The following TMPRSS6 variants were observed in gnomAD, a reference collection of about 807,000 sequenced individuals.
TMPRSS6 encodes transmembrane serine protease 6, also known as transmembrane protease serine 6.
Under a neutral mutation model 101.5 loss-of-function variants are expected in TMPRSS6, and 67 were observed. That is an observed-to-expected ratio of 0.66 (90% CI 0.54 to 0.81). The LOEUF (loss-of-function observed/expected upper bound fraction) is 0.81. Among genes scored for constraint, TMPRSS6 ranks in the 30% least tolerant of loss-of-function variants. The probability of loss-of-function intolerance (pLI) is 0.00; values close to 1 mark genes in which losing one functional copy is unlikely to be tolerated. For synonymous variants in TMPRSS6, 453 were observed against 464.9 expected (o/e 0.97, Z 0.33); for missense variants, 1,034 against 1,088.7 (o/e 0.95, Z 0.71).
intron 13 of TMPRSS6, 142 bp downstream of exon 13, chr22:37,073,390 G>A: frequency 3.2e-6 from 2 of 621,644 alleles, no homozygotes; most frequent in South Asian, 3.6e-5. Flanking sequence ...ATGGATGGAT[G>A]GATGAATGGA....
intron 12 of TMPRSS6, 54 bp from the exon 13 acceptor site, chr22:37,073,699 G>A (rs946373048): frequency 5.8e-5 from 70 of 1,197,284 alleles, no homozygotes; most frequent in Non-Finnish European, 7.4e-5. Context: ...GGAGCCAGCC[G>A]GGGCTTGGCG....
rs1392807088 is a variant in TMPRSS6 at position 37,072,676 on chromosome 22, GGAT to G, written c.1555+853_1555+855del. 1.3e-4 allele frequency among the ~76,000 whole-genome samples: 18 copies of G among 135,752 alleles called. 1 individual carries two copies. Among genetic ancestry groups the G allele is most frequent in the African/African-American group, 3.9e-4 (11 of 28,318 alleles). 89.1% of individuals were successfully genotyped at this position (135,752 alleles called of 152,430 possible). A position where few individuals can be genotyped will look rare whatever the true frequency, so the allele number is the denominator to read the frequency against. ...ATGGATGGATGGATGATGGATGGAT[GGAT>G]GATGGATGGATGGGTGATGGACGGA... is the stretch of plus-strand genomic sequence containing the variant. On this transcript the variant is annotated intron_variant, in intron 13 of 17. Coordinates refer to ENST00000676104, the MANE Select transcript of TMPRSS6 (RefSeq NM_001374504.1).
intron 13 of TMPRSS6, among the ~76,000 whole-genome samples, chr22:37,072,997 TGATGGATGGATGATG>T: frequency 7.6e-6 from 1 of 131,844 alleles, no homozygotes; most frequent in Admixed American, 7.5e-5. Context: ...GATAGATGGA[TGATGGATGGATGATG>T]GATGGATGGA....
At chr22:37,086,483 G>A in intron 7 of TMPRSS6, 64 bp from the exon 8 acceptor site, 3 of 1,530,022 alleles carry the variant, frequency 2.0e-6, no homozygotes, top group Non-Finnish European at 2.7e-6. Context: ...AGGGAGGGCG[G>A]CAGGCGGCTG....
chr22:37,109,771 C>A (rs1601585037), upstream of TMPRSS6, among the ~76,000 whole-genome samples: 2 of 151,798 alleles, frequency 1.3e-5, no homozygotes, highest in Admixed American at 1.3e-4. Context: ...GCCCCATCTT[C>A]CCCCACCCCC....
rs573473995 is a variant in TMPRSS6, at chr22:37,095,415, T to C, written c.631+136A>G. 1,588 of 1,089,562 alleles carry C rather than the reference T, an allele frequency of 1.5e-3. 3 individuals carry two copies. Among genetic ancestry groups the C allele is most frequent in the Middle Eastern group, 6.5e-3 (32 of 4,890 alleles). 67.5% of individuals were successfully genotyped at this position (1,089,562 alleles called of 1,614,324 possible). On this transcript the variant is annotated intron_variant, in intron 6 of 17. Coordinates refer to ENST00000676104, the MANE Select transcript of TMPRSS6 (RefSeq NM_001374504.1). ...TTGGGACACATCGCTGAGTCCACCATGGCATCCCCTGGGTGACTCTTGGCC... is the reference window on the plus strand; with the variant it reads ...TTGGGACACATCGCTGAGTCCACCACGGCATCCCCTGGGTGACTCTTGGCC...
intron 13 of TMPRSS6, among the ~76,000 whole-genome samples, chr22:37,073,092 TGATG>T (rs1399499823): frequency 4.4e-5 from 5 of 113,548 alleles, no homozygotes; most frequent in Non-Finnish European, 6.9e-5. Context: ...GATAGACGGA[TGATG>T]GATGGATGGA....
At chr22:37,066,359 G>T in intron 17 of TMPRSS6, 121 bp from the exon 18 acceptor site, 1 of 1,061,738 alleles carries the variant, frequency 9.4e-7, no homozygotes, top group Non-Finnish European at 1.3e-6. Context: ...GTCACGTTCA[G>T]TCTTAAAGCT....
chr22:37,088,334 T>G (rs9610646), intron 7 of TMPRSS6, among the ~76,000 whole-genome samples: 56,852 of 152,020 alleles, frequency 0.37, 10,818 homozygotes, highest in East Asian at 0.41. Flanking sequence ...CAAGAACCTC[T>G]GCCAGCTCAC....
chr22:37,079,241 G>A (rs183967760), intron 10 of TMPRSS6, among the ~76,000 whole-genome samples: 3 of 152,342 alleles, frequency 2.0e-5, no homozygotes, highest in African/African-American at 4.8e-5. Flanking sequence ...TGACTGCTGC[G>A]ATGCCTGCCA....
intron 10 of TMPRSS6, among the ~76,000 whole-genome samples, chr22:37,080,897 A>G (rs1301310711): frequency 6.6e-6 from 1 of 152,258 alleles, no homozygotes; most frequent in Non-Finnish European, 1.5e-5. Context: ...CAGAGGGAAG[A>G]ATCGCACACG....
At chr22:37,078,947 AGGAGAAAAAGAG>A (rs377087437) in intron 10 of TMPRSS6, among the ~76,000 whole-genome samples, 6,778 of 124,436 alleles carry the variant, frequency 0.054, 253 homozygotes, top group Middle Eastern at 0.076. Flanking sequence ...GAGAAGGAGA[AGGAGAAAAAGAG>A]AAAGAAAGAA....
At position 37,101,619 on chromosome 22, in the gene TMPRSS6, C is replaced by T. The variant is rs1454438048; in HGVS notation, c.202+1597G>A. On this transcript the variant is annotated intron_variant, in intron 2 of 17. Transcript: ENST00000676104. The surrounding 1 kb of genome is among the most constrained non-coding windows in gnomAD (Gnocchi z 4.1). ...CTTTCAAACAGCTCCCAAAGTGCCTCCTTCAACCCTTAATCCCTCTGTGGG... is the reference window on the plus strand; with the variant it reads ...CTTTCAAACAGCTCCCAAAGTGCCTTCTTCAACCCTTAATCCCTCTGTGGG... Among the ~76,000 whole-genome samples, 1 of 152,122 alleles carries T rather than the reference C, an allele frequency of 6.6e-6. No individual in the cohort carries two copies. The highest frequency in any genetic ancestry group is 1.5e-5 in the Non-Finnish European group (1 of 68,008).
intron 16 of TMPRSS6, 138 bp from the exon 17 acceptor site, chr22:37,067,100 C>T: frequency 7.8e-7 from 1 of 1,273,936 alleles, no homozygotes. Context: ...GCTAGGGTCG[C>T]ACCTGCCCCT....
At chr22:37,076,669 C>T (rs1053297767) in intron 10 of TMPRSS6, among the ~76,000 whole-genome samples, 2 of 152,202 alleles carry the variant, frequency 1.3e-5, no homozygotes, top group African/African-American at 2.4e-5. Flanking sequence ...GACAGTGGGA[C>T]CCTCCCTCCA....
chr22:37,073,592 T>A lies in TMPRSS6; in HGVS notation c.1495A>T (p.Lys499Ter). The A allele has an allele frequency of 2.5e-6, 4 of 1,614,142 alleles. No homozygotes were observed. Among genetic ancestry groups the A allele is most frequent in the Non-Finnish European group, 3.4e-6 (4 of 1,180,016 alleles). ...CAATCAGGCTGCCCATCACAGACCT[T>A]GGGCAGTGAGATGCATGTGCTGTCC... ...KEDSTCISLPKVCDGQPDCLN... is the reference protein window; with the variant it reads ...KEDSTCISLP The change falls in exon 13 of 18, where the codon AAG becomes TAG. Residue 499 changes from lysine (K) to a stop codon, truncating the protein, a stop_gained. Transcript: ENST00000676104. LOFTEE classifies it high-confidence loss of function.
At chr22:37,078,595 A>G (rs855787) in intron 10 of TMPRSS6, among the ~76,000 whole-genome samples, 10,371 of 152,126 alleles carry the variant, frequency 0.068, 1,146 homozygotes, top group African/African-American at 0.23. Context: ...CGTAAAGACA[A>G]TCTGTTTATG....
At chr22:37,081,306 T>C (rs191787292) in intron 10 of TMPRSS6, among the ~76,000 whole-genome samples, 111 of 152,320 alleles carry the variant, frequency 7.3e-4, no homozygotes, top group African/African-American at 2.5e-3. Flanking sequence ...CACGCCCTTT[T>C]TTCAGATGAG....
At chr22:37,099,115 C>T (rs1930074374) in intron 2 of TMPRSS6, among the ~76,000 whole-genome samples, 1 of 152,214 alleles carries the variant, frequency 6.6e-6, no homozygotes. Flanking sequence ...CCACATGGTG[C>T]TGTTGAGGGG....
Sources: gnomAD v4.1 joint callset for allele counts (sites outside exome capture counted in the v4.1 genomes callset) on GRCh38, gnomAD v4.1.1 for gene constraint, Gnocchi (gnomAD v3.1) non-coding constraint, MANE v1.5 for transcripts, NCBI Gene and HGNC (gene_info 2026-07-23, HGNC 2026-07-21) for gene names.